Variants in SNX10 observed in about 807,000 individuals in gnomAD.
SNX10 encodes sorting nexin 10, also known as sorting nexin-10.
SNX10 carries 25 observed loss-of-function variants against 28.5 expected under a neutral mutation model. The observed-to-expected ratio is 0.88, with a 90% CI of 0.64 to 1.22. SNX10 has a LOEUF of 1.22. Ranked by LOEUF, SNX10 falls within the 50% of genes most tolerant of loss-of-function variation. The pLI is 0.00. For missense variants in SNX10, 223 were observed against 242.6 expected (o/e 0.92, Z 0.54); for synonymous variants, 62 against 81.4 (o/e 0.76, Z 1.28).
At chr7:26,320,490 G>T (rs557703763) in intron 1 of SNX10, among the ~76,000 whole-genome samples, 37 of 151,776 alleles carry the variant, frequency 2.4e-4, no homozygotes, top group Non-Finnish European at 5.9e-5. Context: ...GGAGTGCAGT[G>T]GTGCGATCTC....
intron 1 of SNX10, among the ~76,000 whole-genome samples, chr7:26,320,044 C>T (rs1271172450): frequency 6.6e-6 from 1 of 151,966 alleles, no homozygotes; most frequent in African/African-American, 2.4e-5. Flanking sequence ...TGCAGTGGTG[C>T]AATCTCGGCT....
chr7:26,341,980 T>TTCTC (rs56027802), intron 1 of SNX10, among the ~76,000 whole-genome samples: 3,371 of 103,050 alleles, frequency 0.033, 150 homozygotes, highest in African/African-American at 0.13. Flanking sequence ...TTTCTCTTCT[T>TTCTC]TCTCTCTCTC....
At chr7:26,367,579 T>C (rs972722385) in intron 5 of SNX10, among the ~76,000 whole-genome samples, 4 of 152,204 alleles carry the variant, frequency 2.6e-5, no homozygotes, top group Admixed American at 2.6e-4. Flanking sequence ...CGGCCCCTGC[T>C]GACCCTCCCC....
chr7:26,369,037 GA>G (rs1295939325), intron 5 of SNX10, among the ~76,000 whole-genome samples: 5 of 151,756 alleles, frequency 3.3e-5, no homozygotes, highest in Admixed American at 1.3e-4. Flanking sequence ...CCAGTTTAGG[GA>G]AAAAAAACAG....
intron 2 of SNX10, among the ~76,000 whole-genome samples, chr7:26,350,885 G>C (rs957297559): frequency 6.6e-6 from 1 of 152,136 alleles, no homozygotes; most frequent in Non-Finnish European, 1.5e-5. Context: ...TAGTGTTACA[G>C]GTACTGTGAG....
chr7:26,331,248 CT>C (rs1476288095), intron 1 of SNX10, among the ~76,000 whole-genome samples: 2 of 151,962 alleles, frequency 1.3e-5, no homozygotes, highest in Non-Finnish European at 2.9e-5. Flanking sequence ...TTTAAAACAG[CT>C]TTATTGATAC....
chr7:26,309,587 C>T (rs1786740472), intron 1 of SNX10, among the ~76,000 whole-genome samples: 1 of 152,148 alleles, frequency 6.6e-6, no homozygotes, highest in Non-Finnish European at 1.5e-5. Context: ...TTTCAGGTAT[C>T]CGGCTGTTGG....
Position 26,364,284 on chromosome 7 carries a change from G to C in SNX10, c.112-251G>C, listed in dbSNP as rs574705674. 22 of 1,152,330 alleles carry C rather than the reference G, an allele frequency of 1.9e-5. No individual in the cohort carries two copies. In the South Asian group the frequency reaches 8.2e-4, roughly 43 times the overall value. The allele number at this position is 1,152,330 out of a possible 1,614,324, so 71.4% of individuals were successfully genotyped here. A position where few individuals can be genotyped will look rare whatever the true frequency, so the allele number is the denominator to read the frequency against. Reference sequence around the variant, plus strand: ...ATAGGTGAGTAGGAGGCTCCTTCAGGATGCAGGGAGTGGCCAGGTCATACC... The same window carrying C: ...ATAGGTGAGTAGGAGGCTCCTTCAGCATGCAGGGAGTGGCCAGGTCATACC... On this transcript the variant is annotated intron_variant, in intron 3 of 6. Coordinates refer to ENST00000338523, the MANE Select transcript of SNX10 (RefSeq NM_013322.3). The surrounding 1 kb of genome is among the most constrained non-coding windows in gnomAD (Gnocchi z 4.9).
intron 2 of SNX10, among the ~76,000 whole-genome samples, chr7:26,358,805 G>GGTTTTTTTTTTT (rs1554360945): frequency 1.0e-5 from 1 of 100,112 alleles, no homozygotes; most frequent in African/African-American, 4.4e-5. Context: ...GTTATCTTGT[G>GGTTTTTTTTTTT]TTTTTTTTTT....
chr7:26,302,767 G>A (rs1786426051), intron 1 of SNX10, among the ~76,000 whole-genome samples: 1 of 152,102 alleles, frequency 6.6e-6, no homozygotes, highest in Admixed American at 6.5e-5. Flanking sequence ...ATCTATTTCT[G>A]GCCTGGCAGG....
chr7:26,296,076 A>C (rs1308829304), intron 1 of SNX10, among the ~76,000 whole-genome samples: 1 of 151,636 alleles, frequency 6.6e-6, no homozygotes, highest in Non-Finnish European at 1.5e-5. Context: ...TTGAGGCTGC[A>C]GTGAGCTGTG....
At chr7:26,345,257 T>G (rs1352830059) in intron 1 of SNX10, among the ~76,000 whole-genome samples, 1 of 152,196 alleles carries the variant, frequency 6.6e-6, no homozygotes, top group East Asian at 1.9e-4. Context: ...CTGAGAACCC[T>G]GTCCCCCAGC....
At chr7:26,294,282 G>A (rs979535143) in intron 1 of SNX10, among the ~76,000 whole-genome samples, 5 of 152,296 alleles carry the variant, frequency 3.3e-5, no homozygotes, top group African/African-American at 1.2e-4. Flanking sequence ...AAGGTATATA[G>A]TGTAGTGGTT....
intron 1 of SNX10, among the ~76,000 whole-genome samples, chr7:26,336,425 C>G (rs776511710): frequency 6.6e-6 from 1 of 151,552 alleles, no homozygotes; most frequent in African/African-American, 2.4e-5. Flanking sequence ...TGTTTGAGGC[C>G]GGGCATAGTG....
chr7:26,350,633 A>G (rs1788560085), intron 2 of SNX10, among the ~76,000 whole-genome samples: 5 of 151,874 alleles, frequency 3.3e-5, no homozygotes, highest in African/African-American at 1.2e-4. Context: ...CCCAAAACCT[A>G]AATTTGTTGT....
intron 2 of SNX10, among the ~76,000 whole-genome samples, chr7:26,350,580 G>T (rs1788558656): frequency 6.6e-6 from 1 of 152,116 alleles, no homozygotes; most frequent in East Asian, 1.9e-4. Flanking sequence ...TGTGATGCTG[G>T]GTACTTTGAT....
rs762232344 is a variant in SNX10, at chr7:26,365,115, G to A, written c.281G>A (p.Arg94His). 11 of 1,612,398 alleles carry A rather than the reference G, an allele frequency of 6.8e-6. No individual in the cohort carries two copies. The highest frequency in any genetic ancestry group is 2.2e-5 in the East Asian group (1 of 44,890). The change falls in exon 5 of 7, where the codon CGT becomes CAT. Residue 94 changes from arginine to histidine, a missense_variant. Physicochemically the swap from Arg to His is conservative, Grantham distance 29. Coordinates refer to ENST00000338523, the MANE Select transcript of SNX10 (RefSeq NM_013322.3). The stretch of plus-strand genomic sequence containing the variant: ...AACAATCGCCAGCACGTGGATCAGC[G>A]TCGCCAGGGTCTGGAAGATTTCCTC... ...NMNNRQHVDQ[R>H]RQGLEDFLRK...
intron 1 of SNX10, among the ~76,000 whole-genome samples, chr7:26,326,441 C>T (rs1451339678): frequency 6.6e-6 from 1 of 152,208 alleles, no homozygotes; most frequent in Non-Finnish European, 1.5e-5. Context: ...TGATCCCACA[C>T]ATGGCTTGCA....
intron 1 of SNX10, among the ~76,000 whole-genome samples, chr7:26,315,463 T>C (rs949008063): frequency 2.6e-5 from 4 of 151,946 alleles, no homozygotes; most frequent in Admixed American, 2.6e-4. Context: ...GGTCAGGAGA[T>C]AGAGACCATC....
Sources: allele counts gnomAD v4.1 joint callset (sites outside exome capture counted in the v4.1 genomes callset), GRCh38; gene constraint gnomAD v4.1.1; non-coding constraint Gnocchi (gnomAD v3.1); transcripts MANE v1.5; gene names NCBI Gene and HGNC (gene_info 2026-07-23, HGNC 2026-07-21).